SGCZ: variants seen among roughly 807,000 people sequenced by gnomAD.
SGCZ encodes zeta-sarcoglycan.
Under a neutral mutation model 41.3 loss-of-function variants are expected in SGCZ, and 40 were observed. That is an observed-to-expected ratio of 0.97 (90% CI 0.75 to 1.26). The LOEUF is 1.26. SGCZ is among the 50% of genes most tolerant of loss of function. The pLI is 0.00. For synonymous variants in SGCZ, 206 were observed against 137.5 expected, an observed-to-expected ratio of 1.50 and a Z score of -3.49; for missense variants, 552 against 369.8, an observed-to-expected ratio of 1.49 and a Z score of -4.04.
At chr8:14,235,917 T>C (rs2117162712) in intron 4 of SGCZ, among the ~76,000 whole-genome samples, 1 of 152,288 alleles carries the variant, frequency 6.6e-6, no homozygotes, top group African/African-American at 2.4e-5. Context: ...TTTCTTGACC[T>C]CATGATCCGC....
chr8:15,033,973 C>G (rs1803780615), intron 1 of SGCZ, among the ~76,000 whole-genome samples: 1 of 152,154 alleles, frequency 6.6e-6, no homozygotes, highest in African/African-American at 2.4e-5. Flanking sequence ...TTTTTCCAGA[C>G]AAAGCCAATC....
At chr8:14,634,429 G>A (rs969782197) in intron 1 of SGCZ, among the ~76,000 whole-genome samples, 1 of 151,652 alleles carries the variant, frequency 6.6e-6, no homozygotes, top group Non-Finnish European at 1.5e-5. Context: ...CACATTTTGA[G>A]TATTTGGCCA....
At chr8:14,277,017 C>G (rs1800259236) in intron 3 of SGCZ, among the ~76,000 whole-genome samples, 1 of 152,172 alleles carries the variant, frequency 6.6e-6, no homozygotes, top group Non-Finnish European at 1.5e-5. Context: ...AGTGTACTTT[C>G]ATTTTCAATA....
At chr8:14,533,305 A>T (rs1020001931) in intron 2 of SGCZ, among the ~76,000 whole-genome samples, 40 of 152,006 alleles carry the variant, frequency 2.6e-4, no homozygotes, top group Non-Finnish European at 4.6e-4. Flanking sequence ...AAATTTAAGA[A>T]TTTTTTACAT....
intron 1 of SGCZ, among the ~76,000 whole-genome samples, chr8:14,925,468 A>T (rs968496037): frequency 3.3e-5 from 5 of 152,234 alleles, no homozygotes; most frequent in Admixed American, 3.3e-4. Flanking sequence ...ACTTGACCTA[A>T]CAGAGTAATT....
chr8:14,138,277 G>A (rs1029636854), intron 5 of SGCZ, among the ~76,000 whole-genome samples: 11 of 152,088 alleles, frequency 7.2e-5, no homozygotes, highest in East Asian at 1.9e-4. Context: ...ATCAACTAAC[G>A]AGCAAAATAA....
At chr8:14,341,588 G>T (rs1230503311) in intron 2 of SGCZ, among the ~76,000 whole-genome samples, 1 of 152,036 alleles carries the variant, frequency 6.6e-6, no homozygotes, top group South Asian at 2.1e-4. Flanking sequence ...CAAACTGCTT[G>T]CCAACTGGTA....
intron 1 of SGCZ, among the ~76,000 whole-genome samples, chr8:15,235,990 G>T (rs969063642): frequency 2.0e-5 from 3 of 152,220 alleles, no homozygotes; most frequent in Non-Finnish European, 4.4e-5. Context: ...TCGGAGTAGA[G>T]CAGAGAGATA....
At chr8:14,971,125 G>C (rs1801281906) in intron 1 of SGCZ, among the ~76,000 whole-genome samples, 1 of 151,896 alleles carries the variant, frequency 6.6e-6, no homozygotes, top group Non-Finnish European at 1.5e-5. Flanking sequence ...TTTTTATCTT[G>C]AATCTTGCTA....
chr8:14,211,866 G>T (rs1805819392), intron 4 of SGCZ, among the ~76,000 whole-genome samples: 1 of 152,114 alleles, frequency 6.6e-6, no homozygotes, highest in Middle Eastern at 3.4e-3. Context: ...AGATCAAGAG[G>T]ACAGATGTCC....
At chr8:14,236,798 T>C (rs901449008) in intron 4 of SGCZ, among the ~76,000 whole-genome samples, 1 of 151,612 alleles carries the variant, frequency 6.6e-6, no homozygotes, top group African/African-American at 2.4e-5. Context: ...AAACTTTAAA[T>C]TACAAATTAC....
At chr8:14,240,696 A>G (rs1445066139) in intron 3 of SGCZ, among the ~76,000 whole-genome samples, 1 of 152,190 alleles carries the variant, frequency 6.6e-6, no homozygotes, top group Non-Finnish European at 1.5e-5. Context: ...AAAACCAAGT[A>G]TCCATTTTTG....
chr8:14,959,870 G>A (rs1458683104), intron 1 of SGCZ, among the ~76,000 whole-genome samples: 3 of 152,182 alleles, frequency 2.0e-5, no homozygotes, highest in Non-Finnish European at 4.4e-5. Context: ...CATACAGGGA[G>A]CAGGTAATTA....
intron 1 of SGCZ, among the ~76,000 whole-genome samples, chr8:15,060,259 G>C (rs572243139): frequency 1.3e-5 from 2 of 152,058 alleles, no homozygotes; most frequent in South Asian, 4.2e-4. Flanking sequence ...GCAAAGACTT[G>C]GAACCAACCC....
chr8:14,179,512 T>C (rs1304440387), intron 4 of SGCZ, among the ~76,000 whole-genome samples: 1 of 152,168 alleles, frequency 6.6e-6, no homozygotes, highest in African/African-American at 2.4e-5. Flanking sequence ...AGGACCTGTC[T>C]AGACTCTCTT....
chr8:14,642,697 C>CT (rs536932763), intron 1 of SGCZ, among the ~76,000 whole-genome samples: 106 of 151,436 alleles, frequency 7.0e-4, no homozygotes, highest in African/African-American at 2.4e-3. Context: ...GATAACTGGT[C>CT]TTTTTTGTAA....
intron 1 of SGCZ, among the ~76,000 whole-genome samples, chr8:15,013,846 T>A (rs998724561): frequency 1.3e-5 from 2 of 152,144 alleles, no homozygotes; most frequent in Non-Finnish European, 2.9e-5. Context: ...AAACGAGGCA[T>A]GTTTGTGGGA....
intron 2 of SGCZ, among the ~76,000 whole-genome samples, chr8:14,435,303 TC>T (rs748902479): frequency 2.6e-5 from 4 of 152,164 alleles, no homozygotes; most frequent in Non-Finnish European, 5.9e-5. Flanking sequence ...CCTATTAAAA[TC>T]CCAATCATCA....
chr8:14,153,921 T>TCACA (rs1428467313), intron 5 of SGCZ, among the ~76,000 whole-genome samples: 2 of 117,100 alleles, frequency 1.7e-5, no homozygotes, highest in Admixed American at 8.9e-5. Flanking sequence ...TCTCTCTCTC[T>TCACA]CTCACACACA....
Sources: gnomAD v4.1 joint callset for allele counts (sites outside exome capture counted in the v4.1 genomes callset) on GRCh38, gnomAD v4.1.1 for gene constraint, MANE v1.5 for transcripts, NCBI Gene and HGNC (gene_info 2026-07-23, HGNC 2026-07-21) for gene names.